The following IFT172 variants were observed in gnomAD, a reference collection of about 807,000 sequenced individuals.
IFT172 encodes intraflagellar transport protein 172 homolog.
Under a neutral mutation model 248.9 loss-of-function variants are expected in IFT172, and 164 were observed. The observed-to-expected ratio is 0.66, with a 90% CI of 0.58 to 0.75. IFT172 has a LOEUF of 0.75. Among genes scored for constraint, IFT172 ranks in the 30% least tolerant of loss-of-function variants. The probability of loss-of-function intolerance (pLI) is 0.00; values close to 1 mark genes in which losing one functional copy is unlikely to be tolerated. For synonymous variants in IFT172, 729 were observed against 791.6 expected (o/e 0.92, Z 1.33); for missense variants, 1,950 against 2,192.4 (o/e 0.89, Z 2.21).
chr2:27,446,139 A>C, intron 43 of IFT172, 121 bp downstream of exon 43: 1 of 1,318,368 alleles, frequency 7.6e-7, no homozygotes, highest in Non-Finnish European at 1.1e-6. Context: ...ACATAGGAGG[A>C]CTACATCCTC....
intron 10 of IFT172, among the ~76,000 whole-genome samples, chr2:27,478,503 C>G (rs898799206): frequency 1.3e-5 from 2 of 152,250 alleles, no homozygotes; most frequent in East Asian, 1.9e-4. Flanking sequence ...TTGACAGGGT[C>G]TCAGTATGTT....
rs992845926 is a variant in IFT172 at position 27,478,994 on chromosome 2, C to G, written c.1005+515G>C. Among the ~76,000 whole-genome samples the G allele has an allele frequency of 2.6e-5, 4 of 152,076 alleles. No homozygotes were observed. In the South Asian group the frequency reaches 8.3e-4, roughly 32 times the overall value. Reference sequence around the variant, plus strand: ...AGTGGCAATCTCTGCACACCTTATGCCTGGTGCTTAAAACTTTTCTTTTTT... The same window carrying G: ...AGTGGCAATCTCTGCACACCTTATGGCTGGTGCTTAAAACTTTTCTTTTTT... On this transcript the variant is annotated intron_variant, in intron 10 of 47. Transcript: ENST00000260570.
chr2:27,458,683 AG>A, intron 26 of IFT172, 95 bp downstream of exon 26: 1 of 1,400,818 alleles, frequency 7.1e-7, no homozygotes, highest in Non-Finnish European at 9.8e-7. Context: ...GTCAGCTTTC[AG>A]GGAGCCAAGC....
intron 16 of IFT172, among the ~76,000 whole-genome samples, chr2:27,470,270 GAAAA>G (rs34157692): frequency 0.4 from 56,220 of 139,664 alleles, 10,770 homozygotes; most frequent in Admixed American, 0.47. Context: ...AAGAGAGAGA[GAAAA>G]AAAAAAGAGA....
At chr2:27,480,350 A>G (rs562067371) in intron 8 of IFT172, among the ~76,000 whole-genome samples, 2 of 152,270 alleles carry the variant, frequency 1.3e-5, no homozygotes, top group African/African-American at 4.8e-5. Flanking sequence ...ACTAAAACAG[A>G]ATAAGAGTGA....
chr2:27,479,469 C>T (rs1054280781), intron 10 of IFT172, 40 bp downstream of exon 10: 9 of 1,104,518 alleles, frequency 8.1e-6, no homozygotes, highest in Non-Finnish European at 1.3e-5. Context: ...AGGAATGAGC[C>T]ACGCAAGTTC....
At chr2:27,463,243 G>A in intron 18 of IFT172, 62 bp from the exon 19 acceptor site, 1 of 1,467,664 alleles carries the variant, frequency 6.8e-7, no homozygotes. Flanking sequence ...TTAATTCATT[G>A]GTTCAGCAAA....
intron 42 of IFT172, 60 bp from the exon 43 acceptor site, chr2:27,446,415 A>G (rs888578414): frequency 1.4e-6 from 2 of 1,442,780 alleles, no homozygotes; most frequent in East Asian, 2.3e-5. Flanking sequence ...TACCAGACCA[A>G]TGATCCTGTA....
intron 1 of IFT172, among the ~76,000 whole-genome samples, chr2:27,486,886 C>CT (rs1668801595): frequency 6.6e-6 from 1 of 152,038 alleles, no homozygotes; most frequent in Admixed American, 6.6e-5. Context: ...GCACAAATCT[C>CT]TGTCTTTTTA....
rs111419193 is a variant in IFT172, at chr2:27,481,294, C to T, written c.571-34G>A. 6.3e-4 allele frequency: 970 copies of T among 1,539,026 alleles called. 2 individuals are homozygous for T. The African/African-American group carries it at 0.012, about 19-fold the overall frequency. On this transcript the variant is annotated intron_variant, in intron 7 of 47. Transcript: ENST00000260570. ...GAAGTAGAGGGTTTCAATCACTCTTCGAAGACTCCACCCGAGAAATTCCTC... is the reference window on the plus strand; with the variant it reads ...GAAGTAGAGGGTTTCAATCACTCTTTGAAGACTCCACCCGAGAAATTCCTC...
intron 29 of IFT172, 83 bp downstream of exon 29, chr2:27,457,556 C>A: frequency 3.3e-6 from 4 of 1,212,488 alleles, no homozygotes; most frequent in Non-Finnish European, 3.6e-6. Flanking sequence ...GCCTGGGTGA[C>A]AGAGTGAGAC....
chr2:27,461,816 C>T lies in IFT172; in HGVS notation c.2136G>A (p.Met712Ile), dbSNP rs766775165. The T allele has an allele frequency of 6.2e-7, 1 of 1,614,152 alleles. No individual in the cohort carries two copies. Among genetic ancestry groups the T allele is most frequent in the Non-Finnish European group, 8.5e-7 (1 of 1,180,036 alleles). Residue 712 changes from methionine to isoleucine, a missense_variant, in exon 21 of 48, where the codon ATG becomes ATA. Met to Ile is a conservative substitution (Grantham distance 10). Coordinates refer to ENST00000260570, the MANE Select transcript of IFT172 (RefSeq NM_015662.3). ...AACGGTGTAGCTCCTGGTACATGCC[C>T]ATGGCCTCCTCCACAGCATTCTAGG... ...FLEQNAVEEA[M>I]GMYQELHRWD...
chr2:27,445,594 T>C lies in IFT172; in HGVS notation c.4915-145A>G. 7.8e-7 allele frequency: 1 copy of C among 1,290,074 alleles called. No individual in the cohort carries two copies. The highest frequency in any genetic ancestry group is 1.1e-6 in the Non-Finnish European group (1 of 934,218). 79.9% of individuals were successfully genotyped at this position (1,290,074 alleles called of 1,614,324 possible). Reference sequence around the variant, plus strand: ...ATCCTCCTTGGATTGGGGGATGCAGTCACAGCCTTTTCTTTCTATTTTGCT... The same window carrying C: ...ATCCTCCTTGGATTGGGGGATGCAGCCACAGCCTTTTCTTTCTATTTTGCT... On this transcript the variant is annotated intron_variant, in intron 45 of 47. Transcript: ENST00000260570. This position sits in a 1 kb window ranked among gnomAD's most constrained non-coding sequence, Gnocchi z 4.4.
Position 27,454,602 on chromosome 2 carries a change from C to T in IFT172, c.3430G>A (p.Val1144Ile). 1 of 1,614,068 alleles carries T rather than the reference C, an allele frequency of 6.2e-7. No individual in the cohort carries two copies. The highest frequency in any genetic ancestry group is 1.6e-4 in the Middle Eastern group (1 of 6,062). ...AGGAACATAGCATATTTGAGATGAA[C>T]CTCGGGGGTTTTGTGCTTGAGGGCC... is the stretch of plus-strand genomic sequence containing the variant. Reference protein sequence around the residue: ...RLALKHKTPEVHLKYAMFLED... With the variant: ...RLALKHKTPEIHLKYAMFLED... Residue 1144 changes from valine (V) to isoleucine (I), a missense_variant, in exon 31 of 48, where the codon GTT (valine) becomes ATT (isoleucine). Val to Ile is a conservative substitution (Grantham distance 29). This residue lies in a region of IFT172 where 164 missense variants were observed against 239.3 expected (regional missense o/e 0.69). Coordinates refer to ENST00000260570, the MANE Select transcript of IFT172 (RefSeq NM_015662.3). The surrounding 1 kb of genome is among the most constrained non-coding windows in gnomAD (Gnocchi z 4.2).
In IFT172 at chr2:27,477,972, C is replaced by T. The variant is rs748040573; in HGVS notation, c.1167+23G>A. ...AAGCCAAGATGCCCTATTCCCCACC[C>T]TACCCTCAATTTTGGTTCCTACCTC... On this transcript the variant is annotated intron_variant, in intron 11 of 47. Coordinates refer to ENST00000260570, the MANE Select transcript of IFT172 (RefSeq NM_015662.3). 6.2e-6 allele frequency: 10 copies of T among 1,613,602 alleles called. No homozygotes were observed. The East Asian group carries it at 2.2e-4, about 36-fold the overall frequency.
chr2:27,444,650 G>A, intron 47 of IFT172, 129 bp from the exon 48 acceptor site: 2 of 620,952 alleles, frequency 3.2e-6, no homozygotes, highest in South Asian at 3.8e-5. Context: ...GTGTATGTGG[G>A]TTTTTTGTTT....
At position 27,449,756 on chromosome 2, in the gene IFT172, G is replaced by A. The variant is rs747729113; in HGVS notation, c.4095C>T (p.Ile1365=). 15 of 1,613,828 alleles carry A rather than the reference G, an allele frequency of 9.3e-6. No homozygotes were observed. Among genetic ancestry groups the A allele is most frequent in the South Asian group, 2.2e-5 (2 of 91,050 alleles). The change falls in exon 37 of 48, where the codon ATC becomes ATT. Residue 1365 remains isoleucine, a synonymous_variant. Transcript: ENST00000260570. ...ACTCCTCACCCTCGATGAAAGCATC[G>A]ATTGCTTCCTTGACAAGGTCCAGAT... ...YLNLDLVKEA[I]DAFIEGEEWN...
In IFT172 at chr2:27,467,724, C is replaced by CCTAA. The variant is rs373184435; in HGVS notation, c.1693-1846_1693-1843dup. Among the ~76,000 whole-genome samples the CCTAA allele has an allele frequency of 7.5e-3, 1,136 of 151,766 alleles. 10 individuals are homozygous for CCTAA. Among genetic ancestry groups the CCTAA allele is most frequent in the African/African-American group, 0.026 (1,079 of 41,362 alleles). The stretch of plus-strand genomic sequence containing the variant: ...TGTAAAACAAGAAATCTAACATTTG[C>CCTAA]CTAACTAGAGTTCTGAAGAGACTAG... On this transcript the variant is annotated intron_variant, in intron 16 of 47. Transcript: ENST00000260570.
chr2:27,477,427 T>C lies in IFT172; in HGVS notation c.1222-107A>G. On this transcript the variant is annotated intron_variant, in intron 12 of 47. Transcript: ENST00000260570. ...GACTACCACTTTTCTCCTTGTTCTC[T>C]TACCCTGCCAATTTCATCCTCCCTG... is the stretch of plus-strand genomic sequence containing the variant. 4 of 1,234,320 alleles carry C rather than the reference T, an allele frequency of 3.2e-6. No individual in the cohort carries two copies. In the South Asian group the frequency reaches 4.9e-5, roughly 15 times the overall value. 76.5% of individuals were successfully genotyped at this position (1,234,320 alleles called of 1,614,324 possible).
Sources: allele counts gnomAD v4.1 joint callset (sites outside exome capture counted in the v4.1 genomes callset), GRCh38; gene constraint gnomAD v4.1.1; regional missense constraint gnomAD v4.1.1; non-coding constraint Gnocchi (gnomAD v3.1); transcripts MANE v1.5; gene names NCBI Gene and HGNC (gene_info 2026-07-23, HGNC 2026-07-21).